The following SLC4A8 variants were observed in gnomAD, a reference collection of about 807,000 sequenced individuals.
SLC4A8 encodes electroneutral sodium bicarbonate exchanger 1.
A neutral mutation model predicts 125.0 loss-of-function variants in SLC4A8; 40 were observed. That is an observed-to-expected ratio of 0.32 (90% CI 0.25 to 0.42). SLC4A8 has a LOEUF of 0.42. Ranked by LOEUF, SLC4A8 falls within the 10% of genes least tolerant of loss-of-function variation. The probability of loss-of-function intolerance (pLI) is 1.00; values close to 1 mark genes in which losing one functional copy is unlikely to be tolerated. For synonymous variants in SLC4A8, 456 were observed against 476.0 expected (o/e 0.96, Z 0.55); for missense variants, 863 against 1,355.1 (o/e 0.64, Z 5.70).
intron 22 of SLC4A8, chr12:51,497,787 GGGAGTTGAAGCT>G (rs954459842): frequency 6.6e-6 from 1 of 150,572 alleles, no homozygotes; most frequent in African/African-American, 2.5e-5. Context: ...CAGGGCTTTT[GGGAGTTGAAGCT>G]GGAGGATTAC....
chr12:51,515,617 G>A lies in SLC4A8; in HGVS notation c.*8179G>A, dbSNP rs893269940. On this transcript the variant is annotated 3_prime_UTR_variant, in exon 25 of 25. Coordinates refer to ENST00000453097, the MANE Select transcript of SLC4A8 (RefSeq NM_001039960.3). Reference sequence around the variant, plus strand: ...CCATAGCAATTTATGGTAAGAACAAGACCCCTTTCCCTCACCACCGAGTCT... The same window carrying A: ...CCATAGCAATTTATGGTAAGAACAAAACCCCTTTCCCTCACCACCGAGTCT... 2 of 152,074 alleles carry A rather than the reference G, an allele frequency of 1.3e-5. No individual in the cohort carries two copies. The highest frequency in any genetic ancestry group is 4.2e-4 in the South Asian group (2 of 4,810). 9.4% of individuals were successfully genotyped at this position (152,074 alleles called of 1,614,324 possible).
intron 16 of SLC4A8, among the ~76,000 whole-genome samples, chr12:51,482,628 C>T (rs1308175642): frequency 3.9e-5 from 6 of 152,158 alleles, no homozygotes; most frequent in African/African-American, 7.2e-5. Context: ...GATCCACCCA[C>T]GTCAGCCTCC....
At chr12:51,400,113 T>C (rs1305165293) in intron 1 of SLC4A8, among the ~76,000 whole-genome samples, 2 of 152,118 alleles carry the variant, frequency 1.3e-5, no homozygotes, top group Non-Finnish European at 2.9e-5. Context: ...CCCTTGGCCC[T>C]CTCCTGGGTT....
At chr12:51,417,476 AGC>A (rs1472123264) in intron 1 of SLC4A8, among the ~76,000 whole-genome samples, 1 of 149,344 alleles carries the variant, frequency 6.7e-6, no homozygotes, top group Non-Finnish European at 1.5e-5. Context: ...CCTCCCGAGT[AGC>A]TGGGATTACA....
intron 1 of SLC4A8, among the ~76,000 whole-genome samples, chr12:51,413,227 A>C (rs996059843): frequency 6.6e-6 from 1 of 152,148 alleles, no homozygotes; most frequent in Non-Finnish European, 1.5e-5. Context: ...CTTTTGAGAA[A>C]TATCTACTCA....
In SLC4A8 at chr12:51,450,927, A is replaced by G. The variant is rs1949944489; in HGVS notation, c.182A>G (p.His61Arg). 1 of 1,611,404 alleles carries G rather than the reference A, an allele frequency of 6.2e-7. No individual in the cohort carries two copies. Among genetic ancestry groups the G allele is most frequent in the Non-Finnish European group, 8.5e-7 (1 of 1,178,594 alleles). ...GVRMPLGRQS[H>R]RHHRTHGQKH... is the part of the protein sequence containing the mutation. ...CGGATGCCGCTTGGCCGGCAGAGCC[A>G]TCGGCATCACCGCACTCATGGCCAG... The change falls in exon 3 of 25, where the codon CAT becomes CGT. Residue 61 changes from histidine (H) to arginine (R), a missense_variant. Coordinates refer to ENST00000453097, the MANE Select transcript of SLC4A8 (RefSeq NM_001039960.3).
intron 18 of SLC4A8, 50 bp from the exon 19 acceptor site, chr12:51,489,650 C>T (rs1161760757): frequency 6.2e-7 from 1 of 1,607,924 alleles, no homozygotes; most frequent in East Asian, 2.2e-5. Flanking sequence ...TGTTCTATGC[C>T]CTACTACAGC....
chr12:51,464,180 T>G (rs1050471301), intron 11 of SLC4A8, among the ~76,000 whole-genome samples: 2 of 152,206 alleles, frequency 1.3e-5, no homozygotes, highest in African/African-American at 4.8e-5. Flanking sequence ...TCTATTGTCT[T>G]TTCTGCTAGG....
At position 51,515,298 on chromosome 12, in the gene SLC4A8, C is replaced by G. The variant is rs1219067954; in HGVS notation, c.*7860C>G. 1 of 152,228 alleles carries G rather than the reference C, an allele frequency of 6.6e-6. No individual in the cohort carries two copies. The highest frequency in any genetic ancestry group is 2.4e-5 in the African/African-American group (1 of 41,436). 9.4% of individuals were successfully genotyped at this position (152,228 alleles called of 1,614,324 possible). A position where few individuals can be genotyped will look rare whatever the true frequency, so the allele number is the denominator to read the frequency against. ...TATTCACTCCTCCAGGATCATAAAG[C>G]CTCCCTCTTGTTTATCTGTGTCTGT... On this transcript the variant is annotated 3_prime_UTR_variant, in exon 25 of 25. Coordinates refer to ENST00000453097, the MANE Select transcript of SLC4A8 (RefSeq NM_001039960.3).
chr12:51,456,833 G>A (rs181766591), intron 5 of SLC4A8, among the ~76,000 whole-genome samples: 131 of 152,272 alleles, frequency 8.6e-4, no homozygotes, highest in African/African-American at 2.8e-3. Flanking sequence ...GGGGTGAGTG[G>A]TTAGTTAACT....
chr12:51,403,261 C>G, intron 1 of SLC4A8: 1 of 456,848 alleles, frequency 2.2e-6, no homozygotes, highest in South Asian at 1.5e-5. Flanking sequence ...CCACTCAAGC[C>G]TGAACAGAAG....
At chr12:51,439,325 G>A (rs1415748541) in intron 1 of SLC4A8, among the ~76,000 whole-genome samples, 1 of 152,106 alleles carries the variant, frequency 6.6e-6, no homozygotes, top group Non-Finnish European at 1.5e-5. Context: ...CAAAGTGTTG[G>A]GATTACAGGT....
At chr12:51,466,917 T>C (rs1367790979) in intron 11 of SLC4A8, among the ~76,000 whole-genome samples, 2 of 151,280 alleles carry the variant, frequency 1.3e-5, no homozygotes, top group Non-Finnish European at 2.9e-5. Context: ...GAGTATTCAT[T>C]GCAGCATCTC....
intron 3 of SLC4A8, 41 bp from the exon 4 acceptor site, chr12:51,452,083 G>A (rs1206783885): frequency 1.2e-6 from 2 of 1,606,126 alleles, no homozygotes; most frequent in East Asian, 2.2e-5. Context: ...TGTTCTAAGT[G>A]TGAGGCTAGA....
At chr12:51,486,076 A>G (rs1951155320) in intron 17 of SLC4A8, among the ~76,000 whole-genome samples, 176 bp downstream of exon 17, 1 of 152,238 alleles carries the variant, frequency 6.6e-6, no homozygotes, top group Non-Finnish European at 1.5e-5. Flanking sequence ...GTTGAATTCA[A>G]GACAGAAAAG....
chr12:51,455,542 C>A (rs971152777), intron 5 of SLC4A8, among the ~76,000 whole-genome samples: 2 of 152,156 alleles, frequency 1.3e-5, no homozygotes, highest in Non-Finnish European at 2.9e-5. Flanking sequence ...GGGGAGATAT[C>A]TGATTGTTCT....
intron 1 of SLC4A8, among the ~76,000 whole-genome samples, chr12:51,400,751 T>C (rs1948361258): frequency 3.4e-4 from 1 of 2,916 alleles, no homozygotes; most frequent in African/African-American, 1.6e-3. Context: ...TATATATATA[T>C]ATATATATAT....
intron 2 of SLC4A8, among the ~76,000 whole-genome samples, chr12:51,442,383 C>T (rs1163313570): frequency 6.6e-6 from 1 of 152,186 alleles, no homozygotes; most frequent in African/African-American, 2.4e-5. Context: ...CACCACTGGA[C>T]CTTTGCCCTC....
Position 51,453,575 on chromosome 12 carries a change from A to G in SLC4A8, c.450A>G (p.Gly150=), listed in dbSNP as rs1565787312. 3 of 1,614,122 alleles carry G rather than the reference A, an allele frequency of 1.9e-6. No individual in the cohort carries two copies. The highest frequency in any genetic ancestry group is 2.5e-6 in the Non-Finnish European group (3 of 1,179,982). Reference sequence around the variant, plus strand: ...TTGAAGAAGATGTTGAAGATGGGGGAGAACGCTGGAGCAAGCCTTATGTGG... The same window carrying G: ...TTGAAGAAGATGTTGAAGATGGGGGGGAACGCTGGAGCAAGCCTTATGTGG... ...LKFEEDVEDG[G]ERWSKPYVAT... is the part of the protein sequence containing the mutation. The change falls in exon 5 of 25, where the codon GGA becomes GGG. Residue 150 remains glycine, a synonymous_variant. Coordinates refer to ENST00000453097, the MANE Select transcript of SLC4A8 (RefSeq NM_001039960.3).
Sources: gnomAD v4.1 joint callset for allele counts (sites outside exome capture counted in the v4.1 genomes callset) on GRCh38, gnomAD v4.1.1 for gene constraint, MANE v1.5 for transcripts, NCBI Gene and HGNC (gene_info 2026-07-23, HGNC 2026-07-21) for gene names.